SLIT3: variants seen among roughly 807,000 people sequenced by gnomAD.
SLIT3 encodes the protein slit homolog 3 protein.
A neutral mutation model predicts 184.0 loss-of-function variants in SLIT3; 68 were observed. The ratio of observed to expected loss-of-function variants is 0.37; its 90% CI spans 0.30 to 0.45. The LOEUF (loss-of-function observed/expected upper bound fraction) is 0.45, where lower values mean the gene tolerates loss of function less well. Ranked by LOEUF, SLIT3 falls within the 20% of genes least tolerant of loss-of-function variation. The pLI is 1.00. For missense variants in SLIT3, 1,707 were observed against 2,026.0 expected (o/e 0.84, Z 3.02); for synonymous variants, 831 against 828.6 (o/e 1.00, Z -0.05).
intron 26 of SLIT3, among the ~76,000 whole-genome samples, chr5:168,702,042 C>T (rs1414250330): frequency 1.3e-5 from 2 of 152,232 alleles, no homozygotes; most frequent in Admixed American, 1.3e-4. Context: ...GTCTGGTTCC[C>T]TTCATGCCCT....
intron 27 of SLIT3, among the ~76,000 whole-genome samples, chr5:168,696,948 C>T (rs531987461): frequency 8.5e-5 from 13 of 152,128 alleles, no homozygotes; most frequent in Non-Finnish European, 1.5e-4. Context: ...ACTCTGTACC[C>T]AGGTTTCCTG....
chr5:169,071,650 TC>T (rs1262466245), intron 4 of SLIT3, among the ~76,000 whole-genome samples: 1 of 152,180 alleles, frequency 6.6e-6, no homozygotes, highest in African/African-American at 2.4e-5. Context: ...TTTGTGGCAG[TC>T]CTTTGACATG....
At chr5:168,856,806 T>TGTGTGTGTGTGTGTGCGC (rs374432432) in intron 5 of SLIT3, among the ~76,000 whole-genome samples, 2 of 137,738 alleles carry the variant, frequency 1.5e-5, no homozygotes, top group East Asian at 2.3e-4. Context: ...TGTGTGTGTG[T>TGTGTGTGTGTGTGTGCGC]GCGCGCGCGC....
In SLIT3 at chr5:168,756,741, C is replaced by A. The variant is rs191168605; in HGVS notation, c.1686-2734G>T. On this transcript the variant is annotated intron_variant, in intron 16 of 35. Coordinates refer to ENST00000519560, the MANE Select transcript of SLIT3 (RefSeq NM_003062.4). Reference sequence around the variant, plus strand: ...GGCTCTCCAGCAGCTATAAGTCACCCGAATGCCAGAAGAGAAGGCTTTTGC... The same window carrying A: ...GGCTCTCCAGCAGCTATAAGTCACCAGAATGCCAGAAGAGAAGGCTTTTGC... Among the ~76,000 whole-genome samples, 13 of 152,220 alleles carry A rather than the reference C, an allele frequency of 8.5e-5. No homozygotes were observed. The East Asian group carries it at 9.6e-4, about 11-fold the overall frequency.
chr5:168,840,048 T>A (rs2974429), intron 6 of SLIT3, among the ~76,000 whole-genome samples: 2 of 152,200 alleles, frequency 1.3e-5, no homozygotes, highest in African/African-American at 4.8e-5. Flanking sequence ...CCTAAGGTCC[T>A]ACCAGCGCCA....
chr5:168,781,898 T>C (rs980146005), intron 12 of SLIT3, among the ~76,000 whole-genome samples: 3 of 152,166 alleles, frequency 2.0e-5, no homozygotes, highest in Non-Finnish European at 2.9e-5. Flanking sequence ...TAACCCTCAG[T>C]TTCCCCCTCT....
At chr5:169,111,747 C>CT (rs1267417629) in intron 4 of SLIT3, among the ~76,000 whole-genome samples, 196 of 152,264 alleles carry the variant, frequency 1.3e-3, no homozygotes, top group African/African-American at 4.3e-3. Flanking sequence ...AGCAAAAACT[C>CT]TGTCAAAAAA....
chr5:169,111,847 T>A (rs1198224544), intron 4 of SLIT3, among the ~76,000 whole-genome samples: 1 of 152,238 alleles, frequency 6.6e-6, no homozygotes, highest in Non-Finnish European at 1.5e-5. Flanking sequence ...ACTCTGGGTC[T>A]AGGGGACGGT....
At chr5:169,278,760 G>A (rs1156728788) in intron 1 of SLIT3, among the ~76,000 whole-genome samples, 2 of 152,080 alleles carry the variant, frequency 1.3e-5, no homozygotes, top group African/African-American at 4.8e-5. Context: ...TCTTCACATG[G>A]GCTACCCATC....
At chr5:168,987,499 T>C (rs915323719) in intron 4 of SLIT3, among the ~76,000 whole-genome samples, 1 of 152,242 alleles carries the variant, frequency 6.6e-6, no homozygotes, top group Non-Finnish European at 1.5e-5. Flanking sequence ...GTCAGTTTCC[T>C]CATCTGTAAA....
At chr5:168,785,003 T>C (rs1468537144) in intron 12 of SLIT3, among the ~76,000 whole-genome samples, 1 of 152,272 alleles carries the variant, frequency 6.6e-6, no homozygotes, top group Non-Finnish European at 1.5e-5. Flanking sequence ...TCCATACCTA[T>C]TCTGCTGTGT....
At chr5:168,695,505 G>T (rs1489063867) in intron 28 of SLIT3, among the ~76,000 whole-genome samples, 4 of 152,124 alleles carry the variant, frequency 2.6e-5, no homozygotes, top group African/African-American at 7.2e-5. Context: ...TGTCTCATGG[G>T]GATTTTTCCT....
chr5:169,198,522 A>T (rs781612022), intron 3 of SLIT3, among the ~76,000 whole-genome samples: 149 of 152,356 alleles, frequency 9.8e-4, no homozygotes, highest in Non-Finnish European at 1.9e-3. Context: ...GGCAGCAGTC[A>T]TACCACAAAG....
chr5:168,803,014 G>T (rs1307171050), intron 9 of SLIT3, among the ~76,000 whole-genome samples: 1 of 141,800 alleles, frequency 7.1e-6, no homozygotes, highest in Non-Finnish European at 1.5e-5. Context: ...TTAACCTCTT[G>T]GTTGTTTGTA....
intron 7 of SLIT3, among the ~76,000 whole-genome samples, chr5:168,818,699 C>T (rs1336080136): frequency 6.6e-6 from 1 of 152,252 alleles, no homozygotes; most frequent in East Asian, 1.9e-4. Flanking sequence ...CAAGCCCCCT[C>T]CACGCCTGGA....
At position 169,051,690 on chromosome 5, in the gene SLIT3, G is replaced by A. The variant is rs145814926; in HGVS notation, c.413+141789C>T. On this transcript the variant is annotated intron_variant, in intron 4 of 35. Coordinates refer to ENST00000519560, the MANE Select transcript of SLIT3 (RefSeq NM_003062.4). Reference sequence around the variant, plus strand: ...ATGGGCAAAGAGTTATGCTCATCCTGTGGGAAAGTGGAAAATCCACCCTGC... The same window carrying A: ...ATGGGCAAAGAGTTATGCTCATCCTATGGGAAAGTGGAAAATCCACCCTGC... 7.9e-5 allele frequency among the ~76,000 whole-genome samples: 12 copies of A among 152,336 alleles called. No homozygotes were observed. In the East Asian group the frequency reaches 2.3e-3, roughly 29 times the overall value.
intron 16 of SLIT3, among the ~76,000 whole-genome samples, chr5:168,755,963 C>A (rs779041759): frequency 2.6e-5 from 4 of 152,200 alleles, no homozygotes; most frequent in Admixed American, 1.3e-4. Context: ...GATGGATGAA[C>A]TGAAGGTGAT....
At chr5:169,027,989 C>T (rs1228901744) in intron 4 of SLIT3, among the ~76,000 whole-genome samples, 1 of 152,140 alleles carries the variant, frequency 6.6e-6, no homozygotes. Context: ...CGTCACATTA[C>T]TGACCTGCTG....
At chr5:169,082,987 A>G (rs1330091537) in intron 4 of SLIT3, among the ~76,000 whole-genome samples, 1 of 152,206 alleles carries the variant, frequency 6.6e-6, no homozygotes, top group East Asian at 1.9e-4. Flanking sequence ...AAATAAAGTG[A>G]TCACAGAATC....
Sources: gnomAD v4.1 joint callset for allele counts (sites outside exome capture counted in the v4.1 genomes callset) on GRCh38, gnomAD v4.1.1 for gene constraint, MANE v1.5 for transcripts, NCBI Gene and HGNC (gene_info 2026-07-23, HGNC 2026-07-21) for gene names.